CHSY3: variants seen among roughly 807,000 people sequenced by gnomAD.
CHSY3 encodes the protein chondroitin sulfate synthase 3, also known as N-acetylgalactosaminyl-proteoglycan 3-beta-glucuronosyltransferase 3.
In CHSY3, 35 loss-of-function variants were observed where a neutral mutation model predicts 67.2. The observed-to-expected ratio is 0.52, with a 90% confidence interval of 0.40 to 0.69. The LOEUF is 0.69. Ranked by LOEUF, CHSY3 falls within the 30% of genes least tolerant of loss-of-function variation. The pLI is 0.00. For synonymous variants in CHSY3, 474 were observed against 434.7 expected (o/e 1.09, Z -1.12); for missense variants, 1,069 against 1,138.5 (o/e 0.94, Z 0.88).
At chr5:130,152,015 C>A (rs548918980) in intron 2 of CHSY3, among the ~76,000 whole-genome samples, 5 of 152,122 alleles carry the variant, frequency 3.3e-5, no homozygotes, top group Non-Finnish European at 5.9e-5. Flanking sequence ...CACTAGGTGC[C>A]CTTGAGCCAG....
intron 2 of CHSY3, among the ~76,000 whole-genome samples, chr5:130,056,539 C>G (rs1015979447): frequency 2.6e-5 from 4 of 152,140 alleles, no homozygotes; most frequent in African/African-American, 9.7e-5. Context: ...TACATGGAAG[C>G]TTGACTTTTC....
chr5:130,078,868 G>A (rs1283943220), intron 2 of CHSY3, among the ~76,000 whole-genome samples: 1 of 152,132 alleles, frequency 6.6e-6, no homozygotes, highest in East Asian at 1.9e-4. Context: ...GAACAGCAGT[G>A]GAGAATAAGG....
intron 2 of CHSY3, among the ~76,000 whole-genome samples, chr5:129,965,156 C>T (rs574425721): frequency 4.0e-5 from 6 of 151,816 alleles, no homozygotes; most frequent in South Asian, 4.2e-4. Context: ...TGTGGGTGCA[C>T]GTTATTTTGT....
Position 129,904,784 on chromosome 5 carries a change from C to T in CHSY3, c.-46C>T. 1 of 1,311,250 alleles carries T rather than the reference C, an allele frequency of 7.6e-7. No homozygotes were observed. The highest frequency in any genetic ancestry group is 9.7e-7 in the Non-Finnish European group (1 of 1,031,092). 81.2% of individuals were successfully genotyped at this position (1,311,250 alleles called of 1,614,324 possible). ...GGGTGTGAGCCGGGGAAACCGCGTG[C>T]CGCGCCGCGACAGCCCAGCGAGCGT... On this transcript the variant is annotated 5_prime_UTR_variant, in exon 1 of 3. Coordinates refer to ENST00000305031, the MANE Select transcript of CHSY3 (RefSeq NM_175856.5).
intron 2 of CHSY3, among the ~76,000 whole-genome samples, chr5:130,097,338 G>A (rs1767082776): frequency 6.6e-6 from 1 of 152,178 alleles, no homozygotes; most frequent in African/African-American, 2.4e-5. Flanking sequence ...CTTGAAGAAA[G>A]ACTTCTACCC....
chr5:130,161,585 A>G (rs1769545206), intron 2 of CHSY3, among the ~76,000 whole-genome samples: 1 of 152,188 alleles, frequency 6.6e-6, no homozygotes, highest in Non-Finnish European at 1.5e-5. Flanking sequence ...TTGTGGTTAC[A>G]TTTTGCAATT....
chr5:130,124,545 T>G (rs2149710485), intron 2 of CHSY3, among the ~76,000 whole-genome samples: 1 of 150,974 alleles, frequency 6.6e-6, no homozygotes, highest in Admixed American at 6.6e-5. Context: ...AACCTCCACC[T>G]CCTCAGTTCA....
chr5:129,973,528 T>C (rs1287445892), intron 2 of CHSY3, among the ~76,000 whole-genome samples: 2 of 152,170 alleles, frequency 1.3e-5, no homozygotes, highest in Admixed American at 6.6e-5. Context: ...TTCAGTTTCT[T>C]CAGAATTTCA....
At chr5:130,092,371 A>G (rs913139790) in intron 2 of CHSY3, among the ~76,000 whole-genome samples, 17 of 152,340 alleles carry the variant, frequency 1.1e-4, no homozygotes, top group Admixed American at 6.5e-4. Context: ...CTAGACCTGC[A>G]TAAGTGGGCC....
intron 2 of CHSY3, among the ~76,000 whole-genome samples, chr5:129,981,760 G>C (rs1762991580): frequency 6.6e-6 from 1 of 152,118 alleles, no homozygotes; most frequent in African/African-American, 2.4e-5. Flanking sequence ...AATGGAGTGA[G>C]GGGATATCCT....
intron 2 of CHSY3, among the ~76,000 whole-genome samples, chr5:129,976,070 T>C (rs1295006594): frequency 6.6e-6 from 1 of 152,098 alleles, no homozygotes; most frequent in Non-Finnish European, 1.5e-5. Context: ...ATAAAACCAG[T>C]TTTATTCAAG....
chr5:130,077,648 A>G (rs1938886592), intron 2 of CHSY3, among the ~76,000 whole-genome samples: 2 of 152,128 alleles, frequency 1.3e-5, no homozygotes, highest in African/African-American at 2.4e-5. Flanking sequence ...CAGGTGTTCT[A>G]TACTAGTAAA....
At position 129,904,671 on chromosome 5, in the gene CHSY3, C is replaced by G. The variant is rs1311196393; in HGVS notation, c.-159C>G. ...CAGCTGCAGCCCGCGGCAGTCGAGG[C>G]GTCCGCGGCGCTTCGACCTCCAGCC... On this transcript the variant is annotated 5_prime_UTR_variant, in exon 1 of 3. Coordinates refer to ENST00000305031, the MANE Select transcript of CHSY3 (RefSeq NM_175856.5). 1.7e-5 allele frequency: 19 copies of G among 1,127,804 alleles called. No individual in the cohort carries two copies. Among genetic ancestry groups the G allele is most frequent in the Non-Finnish European group, 2.0e-5 (18 of 900,436 alleles). 69.9% of individuals were successfully genotyped at this position (1,127,804 alleles called of 1,614,324 possible). A position where few individuals can be genotyped will look rare whatever the true frequency, so the allele number is the denominator to read the frequency against.
chr5:130,140,350 G>A, intron 2 of CHSY3: 1 of 575,138 alleles, frequency 1.7e-6, no homozygotes, highest in African/African-American at 1.9e-5. Flanking sequence ...ATACAAGGGA[G>A]AGACAAAAAG....
chr5:129,976,146 G>C (rs1762801325), intron 2 of CHSY3, among the ~76,000 whole-genome samples: 1 of 152,138 alleles, frequency 6.6e-6, no homozygotes, highest in African/African-American at 2.4e-5. Context: ...TATATCCTTA[G>C]ATCCCCACAG....
rs190075724 is a variant in CHSY3 at position 130,073,196 on chromosome 5, A to G, written c.1087-111033A>G. 8.5e-5 allele frequency among the ~76,000 whole-genome samples: 13 copies of G among 152,272 alleles called. No individual in the cohort carries two copies. The East Asian group carries it at 2.3e-3, about 27-fold the overall frequency. ...AAGTTGATTGGATGATGTATATGTTAATTAGCTTGATTCAGTCTTTTTACA... is the reference window on the plus strand; with the variant it reads ...AAGTTGATTGGATGATGTATATGTTGATTAGCTTGATTCAGTCTTTTTACA... On this transcript the variant is annotated intron_variant, in intron 2 of 2. Transcript: ENST00000305031.
chr5:130,032,130 T>G (rs1764720487), intron 2 of CHSY3, among the ~76,000 whole-genome samples: 2 of 152,180 alleles, frequency 1.3e-5, no homozygotes, highest in South Asian at 4.1e-4. Context: ...TAAATGCATA[T>G]GTATGGGTTT....
intron 2 of CHSY3, among the ~76,000 whole-genome samples, chr5:130,065,912 T>C (rs1162704620): frequency 6.6e-6 from 1 of 152,094 alleles, no homozygotes; most frequent in Non-Finnish European, 1.5e-5. Flanking sequence ...CTGAACAATG[T>C]CCTTGTTCAT....
At chr5:130,038,172 C>T (rs1053960410) in intron 2 of CHSY3, among the ~76,000 whole-genome samples, 1 of 152,022 alleles carries the variant, frequency 6.6e-6, no homozygotes, top group African/African-American at 2.4e-5. Context: ...ACTTTAAATA[C>T]CTCTGGCTAG....
Sources: allele counts gnomAD v4.1 joint callset (sites outside exome capture counted in the v4.1 genomes callset), GRCh38; gene constraint gnomAD v4.1.1; transcripts MANE v1.5; gene names NCBI Gene and HGNC (gene_info 2026-07-23, HGNC 2026-07-21).